The following RSPO3 variants were observed in gnomAD, a reference collection of about 807,000 sequenced individuals.
The protein encoded by RSPO3 is R-spondin-3.
In RSPO3, 17 loss-of-function variants were observed where a neutral mutation model predicts 36.5. That is an observed-to-expected ratio of 0.47 (90% CI 0.32 to 0.70). The LOEUF is 0.70. Among genes scored for constraint, RSPO3 ranks in the 30% least tolerant of loss-of-function variants. The pLI, the probability that RSPO3 is intolerant of heterozygous loss-of-function variation, is 0.04. For synonymous variants in RSPO3, 108 were observed against 107.0 expected (o/e 1.01, Z -0.06); for missense variants, 294 against 322.5 (o/e 0.91, Z 0.68).
intron 4 of RSPO3, chr6:127,192,572 C>T: frequency 1.4e-6 from 1 of 727,794 alleles, no homozygotes; most frequent in Non-Finnish European, 1.7e-6. Flanking sequence ...TGCTTCTCTG[C>T]AAGGGCTCAG....
rs71543112 is a variant in RSPO3, at chr6:127,180,487, CAAAA to C, written c.635-15311_635-15308del. 4.0e-4 allele frequency among the ~76,000 whole-genome samples: 17 copies of C among 42,642 alleles called. No homozygotes were observed. In the East Asian group the frequency reaches 4.6e-3, roughly 12 times the overall value. 28.0% of individuals were successfully genotyped at this position (42,642 alleles called of 152,430 possible). ...AAAGTGGAAAATATCTGGAAGAAAA[CAAAA>C]AAAAAAAAAAAAAAAAAAAAAAAAC... On this transcript the variant is annotated intron_variant, in intron 4 of 4. Coordinates refer to ENST00000356698, the MANE Select transcript of RSPO3 (RefSeq NM_032784.5).
intron 1 of RSPO3, among the ~76,000 whole-genome samples, chr6:127,138,526 A>T (rs1424143602): frequency 6.6e-6 from 1 of 152,172 alleles, no homozygotes; most frequent in Non-Finnish European, 1.5e-5. Context: ...AATATGGATG[A>T]TGATAACACA....
intron 4 of RSPO3, among the ~76,000 whole-genome samples, chr6:127,162,650 CA>C (rs1413145876): frequency 1.3e-5 from 2 of 152,044 alleles, no homozygotes; most frequent in Non-Finnish European, 2.9e-5. Flanking sequence ...AGCAGTACAC[CA>C]AAAAGACAAA....
chr6:127,141,688 G>A (rs1396059480), intron 1 of RSPO3, among the ~76,000 whole-genome samples: 2 of 152,124 alleles, frequency 1.3e-5, no homozygotes. Flanking sequence ...CTCTGGTGTA[G>A]GCACAGACTT....
chr6:127,197,892 G>T lies in RSPO3; in HGVS notation c.*1885G>T, dbSNP rs763636251. On this transcript the variant is annotated 3_prime_UTR_variant, in exon 5 of 5. Coordinates refer to ENST00000356698, the MANE Select transcript of RSPO3 (RefSeq NM_032784.5). ...TTTCAGCTAAAACATATATTACCAA[G>T]AAGAAACAAACTTTATCCTACAGAA... The T allele has an allele frequency of 6.0e-6, 1 of 166,782 alleles. No individual in the cohort carries two copies. Among genetic ancestry groups the T allele is most frequent in the Non-Finnish European group, 1.3e-5 (1 of 76,960 alleles). The allele number at this position is 166,782 out of a possible 1,614,324, so 10.3% of individuals were successfully genotyped here.
At chr6:127,181,262 G>A (rs1775181148) in intron 4 of RSPO3, among the ~76,000 whole-genome samples, 1 of 151,850 alleles carries the variant, frequency 6.6e-6, no homozygotes, top group Admixed American at 6.6e-5. Context: ...CTTGAATGAT[G>A]TATGTAGGTA....
intron 1 of RSPO3, among the ~76,000 whole-genome samples, chr6:127,147,906 T>C (rs1774420054): frequency 6.6e-6 from 1 of 152,128 alleles, no homozygotes; most frequent in Non-Finnish European, 1.5e-5. Context: ...TAAGTAGTCA[T>C]ATATGATCCA....
At chr6:127,167,914 T>C (rs1774854530) in intron 4 of RSPO3, among the ~76,000 whole-genome samples, 1 of 152,006 alleles carries the variant, frequency 6.6e-6, no homozygotes, top group African/African-American at 2.4e-5. Flanking sequence ...TCCAGCTTCA[T>C]CCATGTCCCT....
chr6:127,195,853 A>C lies in RSPO3; in HGVS notation c.665A>C (p.Lys222Thr). 6.3e-7 allele frequency: 1 copy of C among 1,580,012 alleles called. No individual in the cohort carries two copies. Among genetic ancestry groups the C allele is most frequent in the Non-Finnish European group, 8.6e-7 (1 of 1,164,094 alleles). ...AAAGGAAGGGAGAGGAAAAGAAAAA[A>C]ACCTAATAAAGGAGAAAGTAAAGAA... ...GKKGRERKRK[K>T]PNKGESKEAI... is the part of the protein sequence containing the mutation. Residue 222 changes from lysine (K) to threonine (T), a missense_variant, in exon 5 of 5, where the codon AAA (lysine) becomes ACA (threonine). By Grantham distance (78) the Lys-to-Thr change is moderately conservative. Around this residue, in one of 3 missense-constraint regions of RSPO3, gnomAD observed 190 missense variants for 185.2 expected, o/e 1.03. Coordinates refer to ENST00000356698, the MANE Select transcript of RSPO3 (RefSeq NM_032784.5).
At chr6:127,136,951 G>A (rs1250231738) in intron 1 of RSPO3, among the ~76,000 whole-genome samples, 1 of 152,164 alleles carries the variant, frequency 6.6e-6, no homozygotes, top group Non-Finnish European at 1.5e-5. Context: ...TTATTGTGGG[G>A]AGAAGGAGAT....
chr6:127,194,766 T>C lies in RSPO3; in HGVS notation c.635-1057T>C, dbSNP rs6939812. ...TGTTGATTCCACTTTTAAAAATGTC[T>C]CCTCTCATAATGTGAGTCTGAGTTA... is the stretch of plus-strand genomic sequence containing the variant. On this transcript the variant is annotated intron_variant, in intron 4 of 4. Coordinates refer to ENST00000356698, the MANE Select transcript of RSPO3 (RefSeq NM_032784.5). 5.1e-3 allele frequency among the ~76,000 whole-genome samples: 778 copies of C among 152,262 alleles called. 6 individuals carry two copies. Among genetic ancestry groups the C allele is most frequent in the African/African-American group, 0.017 (726 of 41,552 alleles).
intron 1 of RSPO3, among the ~76,000 whole-genome samples, chr6:127,143,953 C>A (rs1562243547): frequency 6.6e-6 from 1 of 152,132 alleles, no homozygotes; most frequent in African/African-American, 2.4e-5. Flanking sequence ...TGAATTAACT[C>A]TTATGATAAT....
At chr6:127,179,854 G>A (rs1449885142) in intron 4 of RSPO3, among the ~76,000 whole-genome samples, 1 of 151,754 alleles carries the variant, frequency 6.6e-6, no homozygotes, top group Non-Finnish European at 1.5e-5. Flanking sequence ...GGCAGGTTGA[G>A]TCCTTTTCAC....
intron 4 of RSPO3, among the ~76,000 whole-genome samples, chr6:127,158,952 G>A (rs1254927747): frequency 6.6e-6 from 1 of 152,050 alleles, no homozygotes. Flanking sequence ...GATTTTAAGA[G>A]ATTATACAGA....
chr6:127,176,463 C>T (rs1775058018), intron 4 of RSPO3, among the ~76,000 whole-genome samples: 1 of 151,360 alleles, frequency 6.6e-6, no homozygotes, highest in African/African-American at 2.4e-5. Context: ...TTTTAATAGA[C>T]CTAAAACACT....
chr6:127,133,389 G>C (rs974829020), intron 1 of RSPO3, among the ~76,000 whole-genome samples: 3 of 152,040 alleles, frequency 2.0e-5, no homozygotes, highest in Admixed American at 1.3e-4. Flanking sequence ...ACTGTAGTGA[G>C]AAAAATCCCA....
intron 1 of RSPO3, among the ~76,000 whole-genome samples, chr6:127,139,079 G>A (rs1209015994): frequency 6.6e-6 from 1 of 151,754 alleles, no homozygotes; most frequent in Non-Finnish European, 1.5e-5. Context: ...TTAGCAATTG[G>A]AGCCATGCAC....
intron 1 of RSPO3, among the ~76,000 whole-genome samples, chr6:127,147,857 T>A (rs987854693): frequency 6.6e-6 from 1 of 152,114 alleles, no homozygotes. Flanking sequence ...ACTGTAAGAC[T>A]CCAGTTCCAA....
chr6:127,145,474 T>C (rs571230586), intron 1 of RSPO3, among the ~76,000 whole-genome samples: 1 of 152,194 alleles, frequency 6.6e-6, no homozygotes, highest in South Asian at 2.1e-4. Flanking sequence ...TTCATTGGCC[T>C]ATCTCACAAA....
Sources: allele counts gnomAD v4.1 joint callset (sites outside exome capture counted in the v4.1 genomes callset), GRCh38; gene constraint gnomAD v4.1.1; regional missense constraint gnomAD v4.1.1; transcripts MANE v1.5; gene names NCBI Gene and HGNC (gene_info 2026-07-23, HGNC 2026-07-21).